Variants in EYS observed in about 807,000 individuals in gnomAD.
EYS encodes the protein protein eyes shut homolog.
A neutral mutation model predicts 282.1 loss-of-function variants in EYS; 250 were observed. The ratio of observed to expected loss-of-function variants is 0.89; its 90% CI spans 0.80 to 0.98. The LOEUF (loss-of-function observed/expected upper bound fraction) is 0.98. EYS is among the 50% of genes least tolerant of loss of function. EYS has a pLI of 0.00. For missense variants in EYS, 4,016 were observed against 3,709.0 expected (o/e 1.08, Z -2.15); for synonymous variants, 1,355 against 1,282.9 (o/e 1.06, Z -1.20).
chr6:64,552,747 C>T (rs1339374149), intron 26 of EYS, among the ~76,000 whole-genome samples: 1 of 148,168 alleles, frequency 6.7e-6, no homozygotes, highest in Admixed American at 6.8e-5. Flanking sequence ...CCCCCCCCAC[C>T]ATCTCTACTA....
At chr6:64,453,987 C>T (rs1432211063) in intron 26 of EYS, among the ~76,000 whole-genome samples, 2 of 151,978 alleles carry the variant, frequency 1.3e-5, no homozygotes, top group Non-Finnish European at 2.9e-5. Context: ...TGCACATGTA[C>T]CCTAAAACTT....
At chr6:64,708,820 C>T (rs547979345) in intron 22 of EYS, among the ~76,000 whole-genome samples, 16 of 152,258 alleles carry the variant, frequency 1.1e-4, no homozygotes, top group African/African-American at 3.9e-4. Flanking sequence ...GCCTGCTGTG[C>T]CATGAAAAAT....
At chr6:65,569,000 G>C (rs2127350876) in intron 2 of EYS, among the ~76,000 whole-genome samples, 1 of 152,286 alleles carries the variant, frequency 6.6e-6, no homozygotes, top group East Asian at 1.9e-4. Context: ...ATTTAACTTT[G>C]AGACAACGAT....
intron 29 of EYS, among the ~76,000 whole-genome samples, chr6:64,328,183 A>G (rs886079583): frequency 6.6e-6 from 1 of 152,146 alleles, no homozygotes; most frequent in African/African-American, 2.4e-5. Context: ...CTAATTCACA[A>G]TCCTACCTGG....
chr6:65,275,303 G>A (rs1457849662), intron 12 of EYS, among the ~76,000 whole-genome samples: 1 of 152,176 alleles, frequency 6.6e-6, no homozygotes, highest in Admixed American at 6.5e-5. Context: ...TTTCACATGG[G>A]TGATAATTCA....
intron 26 of EYS, among the ~76,000 whole-genome samples, chr6:64,565,281 GT>G (rs951230339): frequency 5.3e-5 from 8 of 151,410 alleles, no homozygotes; most frequent in South Asian, 4.2e-4. Flanking sequence ...AGTCAGAAGT[GT>G]TTTTTTTCTG....
chr6:64,445,284 G>A (rs1400473366), intron 26 of EYS, among the ~76,000 whole-genome samples: 3 of 152,032 alleles, frequency 2.0e-5, no homozygotes, highest in Non-Finnish European at 4.4e-5. Context: ...GCACAGAATA[G>A]CTTTGTGAAG....
At chr6:65,380,365 T>C (rs939464231) in intron 8 of EYS, among the ~76,000 whole-genome samples, 1 of 152,090 alleles carries the variant, frequency 6.6e-6, no homozygotes, top group Non-Finnish European at 1.5e-5. Context: ...AAACAAGCAA[T>C]GGGGAAAGAA....
At chr6:64,214,956 G>C (rs1765887427) in intron 31 of EYS, among the ~76,000 whole-genome samples, 1 of 151,804 alleles carries the variant, frequency 6.6e-6, no homozygotes, top group Admixed American at 6.6e-5. Flanking sequence ...ATTTGTCAAA[G>C]GAGTCCTAGA....
chr6:64,793,056 A>T (rs1774240823), intron 22 of EYS, among the ~76,000 whole-genome samples: 1 of 152,128 alleles, frequency 6.6e-6, no homozygotes, highest in Non-Finnish European at 1.5e-5. Flanking sequence ...TTAATGAGTC[A>T]GAATCTCTTC....
At chr6:65,007,206 A>C (rs899709210) in intron 13 of EYS, among the ~76,000 whole-genome samples, 1 of 152,150 alleles carries the variant, frequency 6.6e-6, no homozygotes, top group Non-Finnish European at 1.5e-5. Flanking sequence ...AGGAATAAGC[A>C]TTAGGACCAT....
chr6:65,438,515 C>T (rs1370995836), intron 5 of EYS, among the ~76,000 whole-genome samples: 4 of 152,090 alleles, frequency 2.6e-5, no homozygotes, highest in Non-Finnish European at 5.9e-5. Flanking sequence ...CTCTCTAGCA[C>T]CTGTTGTTTC....
chr6:64,299,150 C>T (rs964019114), intron 30 of EYS, among the ~76,000 whole-genome samples: 14 of 152,136 alleles, frequency 9.2e-5, no homozygotes, highest in African/African-American at 3.4e-4. Flanking sequence ...AAAGTAGGTA[C>T]AAAGGAATGT....
At chr6:64,516,174 G>T (rs1777555269) in intron 26 of EYS, among the ~76,000 whole-genome samples, 1 of 151,558 alleles carries the variant, frequency 6.6e-6, no homozygotes, top group Non-Finnish European at 1.5e-5. Context: ...GAGGGTGGAA[G>T]GTGAGAGGAG....
chr6:65,496,781 C>T lies in EYS; in HGVS notation c.-332-788G>A, dbSNP rs141973533. Among the ~76,000 whole-genome samples, 272 of 152,064 alleles carry T rather than the reference C, an allele frequency of 1.8e-3. 2 individuals carry two copies. The highest frequency in any genetic ancestry group is 9.9e-3 in the East Asian group (51 of 5,172). ...TTCAGGTTTGTCAGATTCAAAATAT[C>T]GGCATTTTCTACTGTACTATAAAGA... On this transcript the variant is annotated intron_variant, in intron 2 of 42. Transcript: ENST00000503581.
At chr6:64,761,119 G>T (rs1252736974) in intron 22 of EYS, among the ~76,000 whole-genome samples, 1 of 152,144 alleles carries the variant, frequency 6.6e-6, no homozygotes, top group African/African-American at 2.4e-5. Flanking sequence ...TGCACAAGTG[G>T]GTTGAGACCT....
chr6:64,973,371 G>A (rs1177243133), intron 14 of EYS, among the ~76,000 whole-genome samples: 2 of 151,944 alleles, frequency 1.3e-5, no homozygotes, highest in Non-Finnish European at 2.9e-5. Flanking sequence ...TCTTCCTTAT[G>A]TATGTGTATA....
intron 24 of EYS, among the ~76,000 whole-genome samples, chr6:64,600,055 T>C (rs581929): frequency 0.022 from 3,317 of 152,240 alleles, 137 homozygotes; most frequent in African/African-American, 0.076. Flanking sequence ...GATAAAATGT[T>C]GTGGCTTATC....
intron 15 of EYS, among the ~76,000 whole-genome samples, chr6:64,917,830 T>A (rs1055506479): frequency 1.3e-5 from 2 of 152,194 alleles, no homozygotes; most frequent in African/African-American, 2.4e-5. Context: ...GTGTTAATTT[T>A]AAAAATTAGT....
Sources: allele counts gnomAD v4.1 joint callset (sites outside exome capture counted in the v4.1 genomes callset), GRCh38; gene constraint gnomAD v4.1.1; transcripts MANE v1.5; gene names NCBI Gene and HGNC (gene_info 2026-07-23, HGNC 2026-07-21).